ULK4: variants seen among roughly 807,000 people sequenced by gnomAD.
ULK4 encodes unc-51 like kinase 4.
In ULK4, 133 loss-of-function variants were observed where a neutral mutation model predicts 160.6. That is an observed-to-expected ratio of 0.83 (90% confidence interval 0.72 to 0.96). ULK4 has a LOEUF of 0.96. Among genes scored for constraint, ULK4 ranks in the 40% least tolerant of loss-of-function variants. ULK4 has a pLI of 0.00. For synonymous variants in ULK4, 534 were observed against 539.8 expected, an observed-to-expected ratio of 0.99 and a Z score of 0.15; for missense variants, 1,580 against 1,499.5, an observed-to-expected ratio of 1.05 and a Z score of -0.89.
intron 35 of ULK4, among the ~76,000 whole-genome samples, chr3:41,284,466 A>C (rs929316871): frequency 6.6e-6 from 1 of 152,176 alleles, no homozygotes; most frequent in Non-Finnish European, 1.5e-5. Flanking sequence ...CTGATCTTCA[A>C]CAAAGCAAAC....
In ULK4 at chr3:41,276,196, A is replaced by G. The variant is rs117734640; in HGVS notation, c.3679-26622T>C. Among the ~76,000 whole-genome samples, 16 of 152,342 alleles carry G rather than the reference A, an allele frequency of 1.1e-4. No individual in the cohort carries two copies. In the East Asian group the frequency reaches 2.9e-3, roughly 28 times the overall value. On this transcript the variant is annotated intron_variant, in intron 35 of 36. Transcript: ENST00000301831. Reference sequence around the variant, plus strand: ...CTAGTTGGTTCTTTCATTCTCCTATAGTTATCTGATGATAGTAAGTAAGGA... The same window carrying G: ...CTAGTTGGTTCTTTCATTCTCCTATGGTTATCTGATGATAGTAAGTAAGGA...
At chr3:41,566,892 T>C (rs2087800292) in intron 31 of ULK4, among the ~76,000 whole-genome samples, 1 of 152,200 alleles carries the variant, frequency 6.6e-6, no homozygotes, top group South Asian at 2.1e-4. Flanking sequence ...GTCTTTGCAG[T>C]CTGGAACTAG....
At chr3:41,814,434 G>A (rs753953614) in intron 19 of ULK4, among the ~76,000 whole-genome samples, 3 of 152,064 alleles carry the variant, frequency 2.0e-5, no homozygotes, top group Non-Finnish European at 2.9e-5. Flanking sequence ...TTTCCTTATG[G>A]CTCAGTACGT....
At chr3:41,520,448 A>G (rs1024893826) in intron 32 of ULK4, among the ~76,000 whole-genome samples, 44 of 152,166 alleles carry the variant, frequency 2.9e-4, no homozygotes, top group African/African-American at 1.1e-3. Flanking sequence ...CATGTGGCTT[A>G]TCTTTTCATC....
intron 34 of ULK4, among the ~76,000 whole-genome samples, chr3:41,418,432 T>G (rs2082584466): frequency 6.6e-6 from 1 of 152,002 alleles, no homozygotes; most frequent in African/African-American, 2.4e-5. Flanking sequence ...CAAAAAATTT[T>G]TAAAAGTCCA....
At chr3:41,910,824 A>T (rs1180925349) in intron 11 of ULK4, among the ~76,000 whole-genome samples, 1 of 152,072 alleles carries the variant, frequency 6.6e-6, no homozygotes, top group Non-Finnish European at 1.5e-5. Flanking sequence ...TTAGCCAGGC[A>T]TGGTGGCACA....
rs1186167648 is a variant in ULK4, at chr3:41,617,375, G to A, written c.3072-1658C>T. ...AGACACCTCATACAGGAGAGCTCTGGCTGGCATCAGGCCGGTGCCCCTCTG... is the reference window on the plus strand; with the variant it reads ...AGACACCTCATACAGGAGAGCTCTGACTGGCATCAGGCCGGTGCCCCTCTG... On this transcript the variant is annotated intron_variant, in intron 30 of 36. Transcript: ENST00000301831. Among the ~76,000 whole-genome samples the A allele has an allele frequency of 6.6e-5, 10 of 152,204 alleles. No homozygotes were observed. The East Asian group carries it at 1.9e-3, about 29-fold the overall frequency.
intron 32 of ULK4, among the ~76,000 whole-genome samples, chr3:41,559,197 G>A (rs1022269404): frequency 1.4e-5 from 2 of 143,948 alleles, no homozygotes; most frequent in Non-Finnish European, 3.1e-5. Context: ...CCCTACAAAG[G>A]ACACGAACTC....
chr3:41,654,574 T>C (rs2034861444), intron 30 of ULK4, among the ~76,000 whole-genome samples: 1 of 152,232 alleles, frequency 6.6e-6, no homozygotes. Flanking sequence ...ATTATAATCC[T>C]AAAATCAAGG....
chr3:41,679,034 T>A (rs2035830333), intron 29 of ULK4, among the ~76,000 whole-genome samples: 2 of 152,194 alleles, frequency 1.3e-5, no homozygotes, highest in African/African-American at 4.8e-5. Context: ...AATGAATGTG[T>A]TACTTACATT....
At chr3:41,370,960 G>A (rs911070929) in intron 35 of ULK4, among the ~76,000 whole-genome samples, 1 of 152,160 alleles carries the variant, frequency 6.6e-6, no homozygotes, top group Non-Finnish European at 1.5e-5. Context: ...TTGGTGGGGG[G>A]AGGGGCGTAC....
intron 35 of ULK4, among the ~76,000 whole-genome samples, chr3:41,349,084 A>G (rs528629905): frequency 6.6e-6 from 1 of 152,308 alleles, no homozygotes; most frequent in Middle Eastern, 3.4e-3. Flanking sequence ...GAAGTGATGC[A>G]TTCTGAGCAC....
intron 35 of ULK4, among the ~76,000 whole-genome samples, chr3:41,368,142 G>A (rs866027441): frequency 5.4e-4 from 82 of 151,758 alleles, no homozygotes; most frequent in African/African-American, 1.9e-3. Context: ...CTGCCTCTGG[G>A]GTTAACGCCA....
intron 32 of ULK4, among the ~76,000 whole-genome samples, chr3:41,539,141 T>A (rs1277321215): frequency 6.6e-6 from 1 of 151,398 alleles, no homozygotes; most frequent in African/African-American, 2.4e-5. Flanking sequence ...TAGAAACAAA[T>A]CCACATATAA....
chr3:41,941,839 A>C (rs1450581202), intron 2 of ULK4, among the ~76,000 whole-genome samples: 2 of 151,124 alleles, frequency 1.3e-5, no homozygotes, highest in Non-Finnish European at 3.0e-5. Flanking sequence ...CCTGGTGACC[A>C]TGTTTAAGGA....
intron 30 of ULK4, among the ~76,000 whole-genome samples, chr3:41,648,671 A>G (rs990761175): frequency 2.6e-5 from 4 of 152,126 alleles, no homozygotes; most frequent in African/African-American, 9.7e-5. Flanking sequence ...TTCCAGCTCA[A>G]TTACCCCTCT....
Position 41,721,279 on chromosome 3 carries a change from T to TTTTTTTTTTGG in ULK4, c.2322-3419_2322-3418insCCAAAAAAAAA, listed in dbSNP as rs67078043. ...AATTTTTTTTTTTTTTTTTTTTTTT[T>TTTTTTTTTTGG]TTTTTGGGTTTTGAACCATGAGTAT... On this transcript the variant is annotated intron_variant, in intron 22 of 36. Coordinates refer to ENST00000301831, the MANE Select transcript of ULK4 (RefSeq NM_017886.4). Among the ~76,000 whole-genome samples the TTTTTTTTTTGG allele has an allele frequency of 1.4e-3, 140 of 98,900 alleles. 9 individuals carry two copies. Among genetic ancestry groups the TTTTTTTTTTGG allele is most frequent in the African/African-American group, 4.3e-3 (98 of 22,878 alleles). 64.9% of individuals were successfully genotyped at this position (98,900 alleles called of 152,430 possible).
Position 41,896,825 on chromosome 3 carries a change from G to A in ULK4, c.1527C>T (p.Pro509=), listed in dbSNP as rs1363560181. 1.1e-5 allele frequency: 17 copies of A among 1,611,730 alleles called. No homozygotes were observed. The highest frequency in any genetic ancestry group is 1.4e-5 in the Non-Finnish European group (16 of 1,179,412). The stretch of plus-strand genomic sequence containing the variant: ...AAGGCATGTCACACAGGCTTACCAG[G>A]GGGGAATGGAGGAGCCTGGTGGCCA... ...QEVATRLLHS[P]LFQLLIQHLR... Residue 509 remains proline (P), a synonymous_variant, in exon 15 of 37, where the codon CCC becomes CCT. Coordinates refer to ENST00000301831, the MANE Select transcript of ULK4 (RefSeq NM_017886.4).
intron 30 of ULK4, among the ~76,000 whole-genome samples, chr3:41,644,177 C>A (rs2034371259): frequency 6.6e-6 from 1 of 151,924 alleles, no homozygotes; most frequent in East Asian, 1.9e-4. Context: ...AATTGAATAC[C>A]CTTTATTTCC....
Sources: gnomAD v4.1 joint callset for allele counts (sites outside exome capture counted in the v4.1 genomes callset) on GRCh38, gnomAD v4.1.1 for gene constraint, MANE v1.5 for transcripts, NCBI Gene and HGNC (gene_info 2026-07-23, HGNC 2026-07-21) for gene names.